Variants in ATP1A4 observed in about 807,000 individuals in gnomAD.
ATP1A4 encodes ATPase Na+/K+ transporting subunit alpha 4, also known as sodium/potassium-transporting ATPase subunit alpha-4.
In ATP1A4, 90 loss-of-function variants were observed where a neutral mutation model predicts 114.3. The observed-to-expected ratio is 0.79, with a 90% confidence interval of 0.66 to 0.94. The LOEUF (loss-of-function observed/expected upper bound fraction) is 0.94. ATP1A4 is among the 40% of genes least tolerant of loss of function. The pLI is 0.00. For synonymous variants in ATP1A4, 511 were observed against 494.1 expected (o/e 1.03, Z -0.45); for missense variants, 1,222 against 1,313.6 (o/e 0.93, Z 1.08).
intron 6 of ATP1A4, among the ~76,000 whole-genome samples, chr1:160,163,574 C>T (rs1182518866): frequency 2.0e-5 from 3 of 152,180 alleles, no homozygotes; most frequent in Non-Finnish European, 2.9e-5. Flanking sequence ...GGACAAGGCA[C>T]GTGGGAAGGA....
chr1:160,165,619 C>T (rs1653001611), intron 7 of ATP1A4, among the ~76,000 whole-genome samples: 1 of 152,050 alleles, frequency 6.6e-6, no homozygotes, highest in Admixed American at 6.5e-5. Context: ...AAAAATTAGA[C>T]AGGCATGGTG....
chr1:160,176,396 A>G, intron 16 of ATP1A4, 83 bp from the exon 17 acceptor site: 1 of 1,604,764 alleles, frequency 6.2e-7, no homozygotes, highest in South Asian at 1.1e-5. Context: ...GGCTGCGTCA[A>G]GACAGAATGG....
chr1:160,156,159 G>A lies in ATP1A4; in HGVS notation c.525+1G>A. ...GTCTTTTAAGAACATGGTGCCTCAG[G>A]TAGGATTGGAGTGGGAGGATCTAGT... On this transcript the variant is annotated splice_donor_variant, in intron 4 of 21. Transcript: ENST00000368081. LOFTEE classifies it high-confidence loss of function. 1 of 1,599,024 alleles carries A rather than the reference G, an allele frequency of 6.3e-7. No homozygotes were observed. Among genetic ancestry groups the A allele is most frequent in the Non-Finnish European group, 8.6e-7 (1 of 1,166,256 alleles).
chr1:160,172,587 C>G (rs1241741919), intron 12 of ATP1A4, among the ~76,000 whole-genome samples: 1 of 152,102 alleles, frequency 6.6e-6, no homozygotes, highest in East Asian at 1.9e-4. Context: ...CCATGTTTCC[C>G]AGGTCAAATT....
intron 2 of ATP1A4, among the ~76,000 whole-genome samples, chr1:160,153,901 G>C (rs1652544885): frequency 6.6e-6 from 1 of 152,182 alleles, no homozygotes; most frequent in Non-Finnish European, 1.5e-5. Context: ...CCCCCTGAAA[G>C]GGTTTTGGGG....
rs1652476663 is a variant in ATP1A4 at position 160,152,103 on chromosome 1, T to C, written c.63T>C (p.Pro21=). The C allele has an allele frequency of 1.2e-6, 2 of 1,613,482 alleles. No individual in the cohort carries two copies. Among genetic ancestry groups the C allele is most frequent in the Non-Finnish European group, 1.7e-6 (2 of 1,179,826 alleles). ...ATGACCAGAGTCCAAGACGAAGACCTAAAAAAGGGCTTATCAAGAAAAAAA... is the reference window on the plus strand; with the variant it reads ...ATGACCAGAGTCCAAGACGAAGACCCAAAAAAGGGCTTATCAAGAAAAAAA... ...APHDQSPRRR[P]KKGLIKKKMV... is the part of the protein sequence containing the mutation. The change falls in exon 1 of 22, where the codon CCT becomes CCC. Residue 21 remains proline (P), a synonymous_variant. Coordinates refer to ENST00000368081, the MANE Select transcript of ATP1A4 (RefSeq NM_144699.4).
chr1:160,177,387 C>A, intron 17 of ATP1A4, 132 bp from the exon 18 acceptor site: 2 of 866,548 alleles, frequency 2.3e-6, no homozygotes, highest in Non-Finnish European at 3.5e-6. Context: ...TGGCAAGATT[C>A]TTCCGCATTA....
intron 10 of ATP1A4, chr1:160,170,739 A>G (rs996255993): frequency 8.6e-5 from 13 of 151,982 alleles, no homozygotes; most frequent in Middle Eastern, 3.1e-3. Context: ...ACATGCCACC[A>G]TGCCCAGCTA....
intron 10 of ATP1A4, 61 bp downstream of exon 10, chr1:160,167,473 G>A: frequency 2.5e-6 from 4 of 1,590,960 alleles, no homozygotes; most frequent in Non-Finnish European, 3.4e-6. Context: ...ACTGGAACAA[G>A]GGGAGCTTTG....
chr1:160,162,198 T>C (rs912236750), intron 6 of ATP1A4, among the ~76,000 whole-genome samples: 2 of 152,222 alleles, frequency 1.3e-5, no homozygotes, highest in Non-Finnish European at 1.5e-5. Flanking sequence ...GCTTTTAAAA[T>C]AAATGCAGTT....
At chr1:160,180,866 C>G (rs913808846) in intron 18 of ATP1A4, among the ~76,000 whole-genome samples, 5 of 152,050 alleles carry the variant, frequency 3.3e-5, no homozygotes, top group African/African-American at 9.7e-5. Context: ...AGGCACCCGC[C>G]ACCACGCCCG....
At chr1:160,158,455 C>A (rs1652750012) in intron 4 of ATP1A4, among the ~76,000 whole-genome samples, 1 of 152,126 alleles carries the variant, frequency 6.6e-6, no homozygotes, top group Admixed American at 6.5e-5. Flanking sequence ...CGGCTCACTG[C>A]AGCCTTAACC....
At chr1:160,185,274 C>T (rs933478911) in intron 20 of ATP1A4, among the ~76,000 whole-genome samples, 5 of 151,894 alleles carry the variant, frequency 3.3e-5, no homozygotes, top group East Asian at 2.0e-4. Context: ...CACCATGCCC[C>T]GCTAATTTTT....
chr1:160,186,806 C>A lies in ATP1A4; in HGVS notation c.*107C>A. The A allele has an allele frequency of 7.8e-7, 1 of 1,287,964 alleles. No individual in the cohort carries two copies. The highest frequency in any genetic ancestry group is 1.1e-6 in the Non-Finnish European group (1 of 907,700). The allele number at this position is 1,287,964 out of a possible 1,614,324, so 79.8% of individuals were successfully genotyped here. A position where few individuals can be genotyped will look rare whatever the true frequency, so the allele number is the denominator to read the frequency against. On this transcript the variant is annotated 3_prime_UTR_variant, in exon 22 of 22. Transcript: ENST00000368081. ...CATCTGAGACACTAGGATGAATTATCTTGGATGAGAAAGATGGGCAATCCT... is the reference window on the plus strand; with the variant it reads ...CATCTGAGACACTAGGATGAATTATATTGGATGAGAAAGATGGGCAATCCT...
At chr1:160,175,790 G>A (rs1005190269) in intron 15 of ATP1A4, among the ~76,000 whole-genome samples, 4 of 152,086 alleles carry the variant, frequency 2.6e-5, no homozygotes, top group African/African-American at 7.2e-5. Flanking sequence ...CCTTAATCTT[G>A]TAAAGGCTTT....
chr1:160,158,137 T>C (rs1299665602), intron 4 of ATP1A4, among the ~76,000 whole-genome samples: 1 of 152,216 alleles, frequency 6.6e-6, no homozygotes, highest in Admixed American at 6.5e-5. Context: ...TAAAACTTAG[T>C]GGCTTAAAAT....
chr1:160,186,073 C>A (rs1571041556), intron 20 of ATP1A4, among the ~76,000 whole-genome samples: 1 of 44,012 alleles, frequency 2.3e-5, no homozygotes, highest in Non-Finnish European at 4.6e-5. Context: ...GGCAACAGAA[C>A]AAGACTCTGT....
chr1:160,162,559 TTTG>T (rs1335177433), intron 6 of ATP1A4, among the ~76,000 whole-genome samples: 1 of 152,210 alleles, frequency 6.6e-6, no homozygotes, highest in African/African-American at 2.4e-5. Flanking sequence ...TGGATAATTC[TTTG>T]TTGTGCGGGA....
At chr1:160,174,490 C>A in intron 14 of ATP1A4, 89 bp from the exon 15 acceptor site, 1 of 1,536,326 alleles carries the variant, frequency 6.5e-7, no homozygotes, top group Non-Finnish European at 8.8e-7. Flanking sequence ...CATCAGGAAA[C>A]AAGGGATGCA....
Sources: gnomAD v4.1 joint callset for allele counts (sites outside exome capture counted in the v4.1 genomes callset) on GRCh38, gnomAD v4.1.1 for gene constraint, MANE v1.5 for transcripts, NCBI Gene and HGNC (gene_info 2026-07-23, HGNC 2026-07-21) for gene names.